The following SULT4A1 variants were observed in gnomAD, a reference collection of about 807,000 sequenced individuals.
SULT4A1 encodes the protein sulfotransferase family 4A member 1.
SULT4A1 carries 11 observed loss-of-function variants against 35.2 expected under a neutral mutation model. The observed-to-expected ratio is 0.31, with a 90% CI of 0.20 to 0.52. The LOEUF (loss-of-function observed/expected upper bound fraction) is 0.52. Ranked by LOEUF, SULT4A1 falls within the 20% of genes least tolerant of loss-of-function variation. SULT4A1 has a pLI of 0.97. For synonymous variants in SULT4A1, 152 were observed against 151.8 expected (o/e 1.00, Z -0.01); for missense variants, 271 against 383.7 (o/e 0.71, Z 2.45).
intron 1 of SULT4A1, among the ~76,000 whole-genome samples, chr22:43,843,483 C>G (rs1257226710): frequency 6.6e-6 from 1 of 152,218 alleles, no homozygotes; most frequent in Non-Finnish European, 1.5e-5. Flanking sequence ...ATGAGACCCC[C>G]AGTTCAGAAG....
chr22:43,829,329 C>T (rs2063309527), intron 5 of SULT4A1, 131 bp from the exon 6 acceptor site: 5 of 1,046,102 alleles, frequency 4.8e-6, no homozygotes, highest in Non-Finnish European at 5.4e-6. Flanking sequence ...ACAAGGCTGA[C>T]ATCAGCCTTG....
chr22:43,837,213 G>A (rs1387000481), intron 4 of SULT4A1, among the ~76,000 whole-genome samples: 1 of 152,244 alleles, frequency 6.6e-6, no homozygotes, highest in Non-Finnish European at 1.5e-5. Flanking sequence ...CAGGGGTGCT[G>A]AGTGGGCCTG....
rs1413138175 is a variant in SULT4A1, at chr22:43,834,388, C to A, written c.509-654G>T. On this transcript the variant is annotated intron_variant, in intron 4 of 6. Transcript: ENST00000330884. ...CACCGCGGCCCTGAGCTTCCCGCGCCCCCACCGCTGCCCTGAGCTTCCCGC... is the reference window on the plus strand; with the variant it reads ...CACCGCGGCCCTGAGCTTCCCGCGCACCCACCGCTGCCCTGAGCTTCCCGC... 6.6e-5 allele frequency among the ~76,000 whole-genome samples: 6 copies of A among 90,310 alleles called. 2 individuals are homozygous for A. The highest frequency in any genetic ancestry group is 2.9e-4 in the African/African-American group (6 of 20,696). 59.2% of individuals were successfully genotyped at this position (90,310 alleles called of 152,430 possible). A position where few individuals can be genotyped will look rare whatever the true frequency, so the allele number is the denominator to read the frequency against.
chr22:43,827,162 C>G, intron 6 of SULT4A1: 2 of 985,450 alleles, frequency 2.0e-6, no homozygotes, highest in Non-Finnish European at 2.4e-6. Context: ...TTTTGAAGAA[C>G]TGCTCGTTTA....
chr22:43,834,014 G>A (rs2063345081), intron 4 of SULT4A1, among the ~76,000 whole-genome samples: 1 of 152,174 alleles, frequency 6.6e-6, no homozygotes, highest in African/African-American at 2.4e-5. Context: ...AACAGTGCCC[G>A]TTACTTTATC....
At chr22:43,854,924 A>G (rs1337302616) in intron 1 of SULT4A1, among the ~76,000 whole-genome samples, 1 of 152,228 alleles carries the variant, frequency 6.6e-6, no homozygotes, top group Admixed American at 6.5e-5. Flanking sequence ...GAGAGGCGAC[A>G]GTCATGAGGA....
chr22:43,833,034 C>T lies in SULT4A1; in HGVS notation c.603+606G>A, dbSNP rs117602920. ...TCAGGCCTCTGCCCCACAGGAGCAA[C>T]CTCACAGTCCACATCTGCACCCCAT... On this transcript the variant is annotated intron_variant, in intron 5 of 6. Transcript: ENST00000330884. 9.0e-3 allele frequency among the ~76,000 whole-genome samples: 1,363 copies of T among 152,240 alleles called. 10 individuals are homozygous for T. Among genetic ancestry groups the T allele is most frequent in the Non-Finnish European group, 0.015 (1,007 of 68,000 alleles).
rs183865031 is a variant in SULT4A1 at position 43,826,121 on chromosome 22, G to A, written c.743-8C>T. The A allele has an allele frequency of 2.2e-4, 349 of 1,613,456 alleles. No homozygotes were observed. Among genetic ancestry groups the A allele is most frequent in the Middle Eastern group, 5.0e-4 (3 of 6,058 alleles). ...TCCACAGCCCAACTCTTCCTGAAAC[G>A]CAAACAAGAGAACTGCTGGGGCCAC... On this transcript the variant is annotated splice_polypyrimidine_tract_variant and splice_region_variant and intron_variant, in intron 6 of 6. Transcript: ENST00000330884.
At chr22:43,832,621 C>A (rs1363342007) in intron 5 of SULT4A1, among the ~76,000 whole-genome samples, 2 of 151,968 alleles carry the variant, frequency 1.3e-5, no homozygotes, top group Non-Finnish European at 2.9e-5. Context: ...CACACCCCCA[C>A]CCCAGGATCA....
Position 43,851,784 on chromosome 22 carries a change from C to T in SULT4A1, c.170-9852G>A, listed in dbSNP as rs368798586. ...CTCACATCACAGCCTCTCTGGTCCC[C>T]GAAGAAGAAAACTGTCTTGGTGACA... is the stretch of plus-strand genomic sequence containing the variant. On this transcript the variant is annotated intron_variant, in intron 1 of 6. Transcript: ENST00000330884. Among the ~76,000 whole-genome samples the T allele has an allele frequency of 1.4e-4, 21 of 152,244 alleles. No homozygotes were observed. The East Asian group carries it at 2.9e-3, about 21-fold the overall frequency.
intron 4 of SULT4A1, among the ~76,000 whole-genome samples, chr22:43,837,734 C>T (rs976941510): frequency 6.6e-6 from 1 of 152,180 alleles, no homozygotes; most frequent in Non-Finnish European, 1.5e-5. Context: ...CCTGCACCGC[C>T]CCGCCAAGAG....
chr22:43,859,494 G>A (rs533058034), intron 1 of SULT4A1, among the ~76,000 whole-genome samples: 1 of 152,350 alleles, frequency 6.6e-6, no homozygotes, highest in East Asian at 1.9e-4. Context: ...TCGGGGACGA[G>A]CACCCAATTC....
chr22:43,847,833 C>G (rs2063486472), intron 1 of SULT4A1, among the ~76,000 whole-genome samples: 1 of 152,258 alleles, frequency 6.6e-6, no homozygotes, highest in Non-Finnish European at 1.5e-5. Context: ...GGGCAGGGAA[C>G]TGGTCTTAGT....
In SULT4A1 at chr22:43,842,067, G is replaced by A. The variant is rs1278195967; in HGVS notation, c.170-135C>T. ...GGCCCAGGGCGACTGAGTCTGGGAA[G>A]AGGAGCGCGCCCCGCACGGTCTCAG... On this transcript the variant is annotated intron_variant, in intron 1 of 6. Coordinates refer to ENST00000330884, the MANE Select transcript of SULT4A1 (RefSeq NM_014351.4). The A allele has an allele frequency of 4.4e-6, 6 of 1,366,106 alleles. No individual in the cohort carries two copies. In the African/African-American group the frequency reaches 8.7e-5, roughly 20 times the overall value. 84.6% of individuals were successfully genotyped at this position (1,366,106 alleles called of 1,614,324 possible). A position where few individuals can be genotyped will look rare whatever the true frequency, so the allele number is the denominator to read the frequency against.
intron 1 of SULT4A1, among the ~76,000 whole-genome samples, chr22:43,849,388 C>T (rs1347321113): frequency 1.3e-5 from 2 of 152,168 alleles, no homozygotes; most frequent in East Asian, 3.9e-4. Context: ...AGCTTACATC[C>T]CCGTTTTCCC....
In SULT4A1 at chr22:43,840,165, T is replaced by C. The variant is rs894058975; in HGVS notation, c.301-140A>G. On this transcript the variant is annotated intron_variant, in intron 2 of 6. Coordinates refer to ENST00000330884, the MANE Select transcript of SULT4A1 (RefSeq NM_014351.4). ...TGGAGTTATCAGAGGGAACGGCGGGTCTAGGGTAGCGGAGGGGTCAGGAGA... is the reference window on the plus strand; with the variant it reads ...TGGAGTTATCAGAGGGAACGGCGGGCCTAGGGTAGCGGAGGGGTCAGGAGA... 5.9e-5 allele frequency: 39 copies of C among 662,294 alleles called. No individual in the cohort carries two copies. In the Admixed American group the frequency reaches 1.0e-3, roughly 18 times the overall value. 41.0% of individuals were successfully genotyped at this position (662,294 alleles called of 1,614,324 possible).
chr22:43,854,502 A>G (rs1331218514), intron 1 of SULT4A1, among the ~76,000 whole-genome samples: 1 of 152,184 alleles, frequency 6.6e-6, no homozygotes, highest in Non-Finnish European at 1.5e-5. Context: ...CTAAGTCTTT[A>G]TAACTGGTCC....
chr22:43,862,011 G>A (rs1228955641), intron 1 of SULT4A1, among the ~76,000 whole-genome samples: 1 of 152,154 alleles, frequency 6.6e-6, no homozygotes, highest in East Asian at 1.9e-4. Flanking sequence ...CCCCAGATGA[G>A]AACCAAGCCC....
intron 1 of SULT4A1, among the ~76,000 whole-genome samples, chr22:43,853,230 G>GC (rs1283256434): frequency 3.9e-5 from 6 of 152,006 alleles, no homozygotes; most frequent in Admixed American, 3.9e-4. Context: ...GGCTCACAAA[G>GC]CAAGTGAGCA....
Sources: gnomAD v4.1 joint callset for allele counts (sites outside exome capture counted in the v4.1 genomes callset) on GRCh38, gnomAD v4.1.1 for gene constraint, MANE v1.5 for transcripts, NCBI Gene and HGNC (gene_info 2026-07-23, HGNC 2026-07-21) for gene names.